SOX6: variants seen among roughly 807,000 people sequenced by gnomAD.
SOX6 encodes the protein transcription factor SOX-6.
SOX6 carries 11 observed loss-of-function variants against 97.8 expected under a neutral mutation model. The observed-to-expected ratio is 0.11, with a 90% CI of 0.07 to 0.19. The LOEUF is 0.19. SOX6 is among the 10% of genes least tolerant of loss of function. The pLI, the probability that SOX6 is intolerant of heterozygous loss-of-function variation, is 1.00. For synonymous variants in SOX6, 360 were observed against 371.4 expected, an observed-to-expected ratio of 0.97 and a Z score of 0.35; for missense variants, 810 against 1,039.5, an observed-to-expected ratio of 0.78 and a Z score of 3.04.
intron 1 of SOX6, among the ~76,000 whole-genome samples, chr11:16,440,762 T>TA (rs2133085443): frequency 6.6e-6 from 1 of 152,160 alleles, no homozygotes; most frequent in Admixed American, 6.5e-5. Flanking sequence ...TTTCTTGGAT[T>TA]AAAAAGAAAA....
chr11:16,034,431 A>C (rs1407400923), intron 12 of SOX6, among the ~76,000 whole-genome samples: 1 of 152,214 alleles, frequency 6.6e-6, no homozygotes, highest in Non-Finnish European at 1.5e-5. Context: ...TTCTAATCTT[A>C]GTTGCAAATG....
chr11:16,252,749 A>G (rs4757388), intron 3 of SOX6, among the ~76,000 whole-genome samples: 80,136 of 151,812 alleles, frequency 0.53, 22,091 homozygotes, highest in Non-Finnish European at 0.6. Context: ...GAAATACCCA[A>G]CTCCAACCCC....
intron 3 of SOX6, among the ~76,000 whole-genome samples, chr11:16,711,918 C>T (rs1848183871): frequency 6.6e-6 from 1 of 152,132 alleles, no homozygotes; most frequent in African/African-American, 2.4e-5. Flanking sequence ...ATTCTTATGC[C>T]TTTGCATCCT....
intron 4 of SOX6, among the ~76,000 whole-genome samples, chr11:16,589,857 G>A (rs1275862624): frequency 1.3e-5 from 2 of 152,072 alleles, no homozygotes; most frequent in Admixed American, 6.5e-5. Flanking sequence ...ATCATACAAT[G>A]CTCAATCAGT....
chr11:16,528,680 T>C (rs1410074088), intron 4 of SOX6, among the ~76,000 whole-genome samples: 2 of 152,096 alleles, frequency 1.3e-5, no homozygotes, highest in African/African-American at 4.8e-5. Context: ...TATGAAATGA[T>C]AGGCAGAAAT....
At chr11:16,269,416 C>T (rs1418649392) in intron 3 of SOX6, among the ~76,000 whole-genome samples, 1 of 150,582 alleles carries the variant, frequency 6.6e-6, no homozygotes, top group Non-Finnish European at 1.5e-5. Flanking sequence ...TTTGTTTATC[C>T]ATATGAACTT....
chr11:16,428,647 A>G (rs989998145), intron 1 of SOX6, among the ~76,000 whole-genome samples: 2 of 152,072 alleles, frequency 1.3e-5, no homozygotes, highest in African/African-American at 4.8e-5. Context: ...GATATGTGGC[A>G]TTATTTCTGA....
intron 4 of SOX6, among the ~76,000 whole-genome samples, chr11:16,520,740 T>C (rs913421251): frequency 9.9e-5 from 15 of 152,158 alleles, no homozygotes; most frequent in African/African-American, 3.6e-4. Context: ...AAAGGGGTGA[T>C]GGACGGCACC....
intron 1 of SOX6, among the ~76,000 whole-genome samples, chr11:16,421,059 A>T (rs1357018644): frequency 1.3e-5 from 2 of 152,182 alleles, no homozygotes; most frequent in African/African-American, 4.8e-5. Context: ...GGCAAAATTG[A>T]TACAAACCCT....
chr11:16,136,344 G>GTTTT (rs34244829), intron 6 of SOX6, among the ~76,000 whole-genome samples: 2 of 129,272 alleles, frequency 1.5e-5, no homozygotes, highest in Admixed American at 7.9e-5. Flanking sequence ...TGTGTGTGTG[G>GTTTT]TTTTTTTTTT....
intron 11 of SOX6, among the ~76,000 whole-genome samples, chr11:16,047,701 C>T (rs932754935): frequency 4.8e-5 from 7 of 145,922 alleles, no homozygotes; most frequent in African/African-American, 1.5e-4. Context: ...CATTTCATAG[C>T]GTGTGTGTGT....
chr11:16,408,206 T>C (rs1858725023), intron 1 of SOX6, among the ~76,000 whole-genome samples: 2 of 152,164 alleles, frequency 1.3e-5, no homozygotes, highest in South Asian at 4.1e-4. Context: ...AAACAAACAC[T>C]AAGTCCATGT....
At chr11:16,547,201 T>C (rs1214884067) in intron 4 of SOX6, among the ~76,000 whole-genome samples, 1 of 152,140 alleles carries the variant, frequency 6.6e-6, no homozygotes, top group Non-Finnish European at 1.5e-5. Flanking sequence ...GAAAACAGTA[T>C]GGAGATTTCT....
intron 1 of SOX6, among the ~76,000 whole-genome samples, chr11:16,378,653 A>T (rs1857713179): frequency 6.6e-6 from 1 of 152,048 alleles, no homozygotes; most frequent in African/African-American, 2.4e-5. Flanking sequence ...AGGTAAAAAA[A>T]TAACATTATA....
At chr11:16,643,545 C>T (rs1045689671) in intron 3 of SOX6, among the ~76,000 whole-genome samples, 11 of 152,172 alleles carry the variant, frequency 7.2e-5, no homozygotes, top group Non-Finnish European at 1.6e-4. Context: ...GCCTCCTTGA[C>T]CTGTGGTGGG....
At chr11:16,629,932 T>A (rs926970284) in intron 3 of SOX6, among the ~76,000 whole-genome samples, 1 of 152,194 alleles carries the variant, frequency 6.6e-6, no homozygotes, top group East Asian at 1.9e-4. Flanking sequence ...TTATGTGGGA[T>A]CAGTTGTAAT....
At chr11:16,153,636 T>C (rs958030541) in intron 6 of SOX6, among the ~76,000 whole-genome samples, 2 of 152,092 alleles carry the variant, frequency 1.3e-5, no homozygotes, top group African/African-American at 4.8e-5. Context: ...TCTCTTTGTG[T>C]CTCAGAGTAT....
intron 3 of SOX6, among the ~76,000 whole-genome samples, chr11:16,662,304 G>GT (rs144754287): frequency 0.011 from 1,714 of 152,242 alleles, 23 homozygotes; most frequent in African/African-American, 0.039. Context: ...AGTTGGTAGA[G>GT]TTTTTTCTTT....
At chr11:16,103,764 T>C (rs1254546310) in intron 7 of SOX6, among the ~76,000 whole-genome samples, 2 of 151,812 alleles carry the variant, frequency 1.3e-5, no homozygotes, top group African/African-American at 2.4e-5. Flanking sequence ...CTAAGTGAAG[T>C]AACTCAGAAA....
Sources: allele counts gnomAD v4.1 joint callset (sites outside exome capture counted in the v4.1 genomes callset), GRCh38; gene constraint gnomAD v4.1.1; transcripts MANE v1.5; gene names NCBI Gene and HGNC (gene_info 2026-07-23, HGNC 2026-07-21).